The following SLC41A2 variants were observed in gnomAD, a reference collection of about 807,000 sequenced individuals.
SLC41A2 encodes the protein solute carrier family 41 member 2.
SLC41A2 carries 32 observed loss-of-function variants against 58.3 expected under a neutral mutation model. The ratio of observed to expected loss-of-function variants is 0.55; its 90% confidence interval spans 0.41 to 0.74. The LOEUF (loss-of-function observed/expected upper bound fraction) is 0.74, where lower values mean the gene tolerates loss of function less well. Ranked by LOEUF, SLC41A2 falls within the 30% of genes least tolerant of loss-of-function variation. The pLI is 0.00. For missense variants in SLC41A2, 514 were observed against 680.6 expected (o/e 0.76, Z 2.72); for synonymous variants, 190 against 235.0 (o/e 0.81, Z 1.75).
chr12:104,832,452 C>G (rs943167468), intron 10 of SLC41A2, among the ~76,000 whole-genome samples: 3 of 152,112 alleles, frequency 2.0e-5, no homozygotes, highest in African/African-American at 7.2e-5. Context: ...GAACAAATGC[C>G]TAAAAATATC....
intron 5 of SLC41A2, among the ~76,000 whole-genome samples, chr12:104,887,192 G>C (rs1038558213): frequency 1.3e-5 from 2 of 151,926 alleles, no homozygotes; most frequent in South Asian, 2.1e-4. Flanking sequence ...ATGTAGTAAA[G>C]AGAAAACTTT....
At chr12:104,943,954 C>T (rs1304601279) in intron 1 of SLC41A2, among the ~76,000 whole-genome samples, 1 of 152,182 alleles carries the variant, frequency 6.6e-6, no homozygotes, top group Non-Finnish European at 1.5e-5. Flanking sequence ...GATATAAACC[C>T]AGGCATTCGA....
At chr12:104,847,672 GA>G (rs2042655916) in intron 8 of SLC41A2, among the ~76,000 whole-genome samples, 1 of 151,158 alleles carries the variant, frequency 6.6e-6, no homozygotes, top group Admixed American at 6.6e-5. Context: ...AATCCAAGAG[GA>G]AAAATAGACA....
intron 1 of SLC41A2, among the ~76,000 whole-genome samples, chr12:104,954,777 T>C (rs1395950269): frequency 6.6e-6 from 1 of 152,240 alleles, no homozygotes; most frequent in Non-Finnish European, 1.5e-5. Context: ...ATGCTTCACA[T>C]GCTTTTTATC....
intron 6 of SLC41A2, among the ~76,000 whole-genome samples, chr12:104,882,292 T>C (rs933692299): frequency 6.6e-5 from 10 of 152,236 alleles, no homozygotes; most frequent in African/African-American, 2.4e-4. Context: ...CTGTGTCTTT[T>C]AATTGGGGCA....
chr12:104,927,289 A>G (rs752790095), intron 2 of SLC41A2, among the ~76,000 whole-genome samples: 30 of 152,164 alleles, frequency 2.0e-4, no homozygotes, highest in Non-Finnish European at 3.4e-4. Context: ...TCTTATAAGG[A>G]TAGTTATTAC....
rs1194364637 is a variant in SLC41A2 at position 104,935,861 on chromosome 12, G to A, written c.-167-7167C>T. 4.6e-5 allele frequency among the ~76,000 whole-genome samples: 7 copies of A among 152,226 alleles called. No homozygotes were observed. The South Asian group carries it at 8.3e-4, about 18-fold the overall frequency. On this transcript the variant is annotated intron_variant, in intron 1 of 10. Transcript: ENST00000258538. Reference sequence around the variant, plus strand: ...AGTTTGAGACCAGCCTGGCCAACACGGCGAAACCCTGTCTCTAGTAAAAAT... The same window carrying A: ...AGTTTGAGACCAGCCTGGCCAACACAGCGAAACCCTGTCTCTAGTAAAAAT...
intron 4 of SLC41A2, among the ~76,000 whole-genome samples, chr12:104,892,328 A>AAAAACAC (rs1272873332): frequency 1.6e-5 from 2 of 126,928 alleles, no homozygotes; most frequent in Non-Finnish European, 3.1e-5. Flanking sequence ...AAATAAAATA[A>AAAAACAC]AATAAAATAT....
At position 104,817,936 on chromosome 12, in the gene SLC41A2, C is replaced by T. The variant is rs1034490827; in HGVS notation, c.1537-12599G>A. The stretch of plus-strand genomic sequence containing the variant: ...TGTTATTGACCAAAACCTTGATACA[C>T]AGCACATGACTACACTTGAAAATTG... On this transcript the variant is annotated intron_variant, in intron 10 of 10. Transcript: ENST00000258538. 5.3e-5 allele frequency among the ~76,000 whole-genome samples: 8 copies of T among 152,200 alleles called. 1 individual carries two copies. Among genetic ancestry groups the T allele is most frequent in the Admixed American group, 1.3e-4 (2 of 15,264 alleles).
rs1437857276 is a variant in SLC41A2 at position 104,861,073 on chromosome 12, G to A, written c.1255+218C>T. ...CCTGACTCTCAAACTAGTAGTTCAT[G>A]ATAAGATTAAGAAAGATTACTTTTC... On this transcript the variant is annotated intron_variant, in intron 8 of 10. Coordinates refer to ENST00000258538, the MANE Select transcript of SLC41A2 (RefSeq NM_001352171.3). Among the ~76,000 whole-genome samples, 10 of 152,244 alleles carry A rather than the reference G, an allele frequency of 6.6e-5. No individual in the cohort carries two copies. The East Asian group carries it at 1.9e-3, about 29-fold the overall frequency.
At chr12:104,934,156 G>T (rs1040935303) in intron 1 of SLC41A2, among the ~76,000 whole-genome samples, 1 of 151,700 alleles carries the variant, frequency 6.6e-6, no homozygotes, top group African/African-American at 2.4e-5. Flanking sequence ...TTCTATATTT[G>T]TTATCCATCA....
chr12:104,820,792 G>A (rs562888806), intron 10 of SLC41A2, among the ~76,000 whole-genome samples: 8 of 152,138 alleles, frequency 5.3e-5, no homozygotes, highest in East Asian at 1.9e-4. Flanking sequence ...ACAGGTGCCC[G>A]CCACCATGCC....
At chr12:104,823,414 G>A (rs964836698) in intron 10 of SLC41A2, among the ~76,000 whole-genome samples, 1 of 152,056 alleles carries the variant, frequency 6.6e-6, no homozygotes, top group South Asian at 2.1e-4. Context: ...AACAACAGTT[G>A]CTTAAGAATA....
At chr12:104,918,628 G>GAAAAAAAAAA (rs34865307) in intron 2 of SLC41A2, among the ~76,000 whole-genome samples, 5 of 111,480 alleles carry the variant, frequency 4.5e-5, no homozygotes, top group East Asian at 2.5e-4. Context: ...GGAGATACAT[G>GAAAAAAAAAA]AAAAAAAAAA....
intron 5 of SLC41A2, among the ~76,000 whole-genome samples, chr12:104,887,478 T>C (rs955467234): frequency 6.6e-6 from 1 of 151,884 alleles, no homozygotes; most frequent in Admixed American, 6.6e-5. Context: ...AAACAGTGCC[T>C]TATATTTTAG....
intron 10 of SLC41A2, among the ~76,000 whole-genome samples, chr12:104,807,885 A>G (rs1377024729): frequency 6.6e-6 from 1 of 152,070 alleles, no homozygotes; most frequent in Non-Finnish European, 1.5e-5. Context: ...TTGGTGTATA[A>G]GAATGCTTGT....
At chr12:104,856,554 T>TA (rs1181851669) in intron 8 of SLC41A2, among the ~76,000 whole-genome samples, 1 of 152,016 alleles carries the variant, frequency 6.6e-6, no homozygotes, top group Non-Finnish European at 1.5e-5. Context: ...TGACTTGGGA[T>TA]AAAAAACTTG....
chr12:104,833,611 T>A (rs923160234), intron 10 of SLC41A2, among the ~76,000 whole-genome samples: 3 of 152,220 alleles, frequency 2.0e-5, no homozygotes, highest in Admixed American at 2.0e-4. Flanking sequence ...CTTTGGAAAC[T>A]TTTTGCTTTA....
chr12:104,944,634 G>C (rs563696833), intron 1 of SLC41A2, among the ~76,000 whole-genome samples: 2 of 152,194 alleles, frequency 1.3e-5, no homozygotes, highest in South Asian at 4.1e-4. Context: ...GAGTTTGTCT[G>C]TTTTCAAAAG....
Sources: gnomAD v4.1 joint callset for allele counts (sites outside exome capture counted in the v4.1 genomes callset) on GRCh38, gnomAD v4.1.1 for gene constraint, MANE v1.5 for transcripts, NCBI Gene and HGNC (gene_info 2026-07-23, HGNC 2026-07-21) for gene names.